Variants in SARS1 observed in about 807,000 individuals in gnomAD.
The protein encoded by SARS1 is serine--tRNA ligase, cytoplasmic.
SARS1 carries 25 observed loss-of-function variants against 63.7 expected under a neutral mutation model. That is an observed-to-expected ratio of 0.39 (90% CI 0.29 to 0.55). The LOEUF is 0.55. Ranked by LOEUF, SARS1 falls within the 20% of genes least tolerant of loss-of-function variation. The pLI is 0.62. For missense variants in SARS1, 417 were observed against 649.7 expected (o/e 0.64, Z 3.89); for synonymous variants, 231 against 243.5 (o/e 0.95, Z 0.48).
intron 2 of SARS1, among the ~76,000 whole-genome samples, chr1:109,227,873 C>A (rs534890288): frequency 1.6e-4 from 24 of 147,002 alleles, no homozygotes; most frequent in African/African-American, 5.0e-4. Context: ...GAGCCCAGAT[C>A]ACGCAAACTG....
chr1:109,218,366 GAAAA>G, intron 1 of SARS1, among the ~76,000 whole-genome samples: 1 of 114,286 alleles, frequency 8.7e-6, no homozygotes, highest in East Asian at 2.5e-4. Context: ...GACTTCATCT[GAAAA>G]AAAAAAAAAA....
intron 1 of SARS1, chr1:109,216,689 C>T: frequency 2.9e-6 from 2 of 691,494 alleles, no homozygotes; most frequent in Non-Finnish European, 3.6e-6. Flanking sequence ...GGCATGATCA[C>T]AGCTCACTGC....
At chr1:109,215,400 A>G in intron 1 of SARS1, 1 of 985,450 alleles carries the variant, frequency 1.0e-6, no homozygotes, top group Non-Finnish European at 1.2e-6. Context: ...TTTGGGTATA[A>G]TGTCCACATC....
intron 2 of SARS1, among the ~76,000 whole-genome samples, chr1:109,225,954 C>T (rs1422210542): frequency 6.6e-6 from 1 of 152,102 alleles, no homozygotes; most frequent in Non-Finnish European, 1.5e-5. Flanking sequence ...GTAGTCTGTT[C>T]TTATCAAGAC....
chr1:109,219,037 C>T (rs561838295), intron 1 of SARS1, among the ~76,000 whole-genome samples: 18 of 151,446 alleles, frequency 1.2e-4, no homozygotes, highest in Non-Finnish European at 2.2e-4. Flanking sequence ...GAGGCCGAGG[C>T]GGGCGGATCA....
At chr1:109,228,142 A>G (rs899452478) in intron 2 of SARS1, among the ~76,000 whole-genome samples, 5 of 152,220 alleles carry the variant, frequency 3.3e-5, no homozygotes, top group African/African-American at 1.2e-4. Flanking sequence ...TCAAAAAGCT[A>G]TTAAGTGGCA....
In SARS1 at chr1:109,236,757, A is replaced by C. The variant is rs917536830; in HGVS notation, c.1257+209A>C. 3 of 1,554,808 alleles carry C rather than the reference A, an allele frequency of 1.9e-6. No individual in the cohort carries two copies. In the African/African-American group the frequency reaches 4.1e-5, roughly 21 times the overall value. On this transcript the variant is annotated intron_variant, in intron 9 of 10. Coordinates refer to ENST00000234677, the MANE Select transcript of SARS1 (RefSeq NM_006513.4). ...AACCTGAATCTAGCTCTCTTCTATA[A>C]GGTAATTCTAGCTTTTCTCTTTCTG...
intron 6 of SARS1, among the ~76,000 whole-genome samples, chr1:109,232,798 C>G (rs954052928): frequency 2.6e-5 from 4 of 152,160 alleles, no homozygotes; most frequent in Non-Finnish European, 2.9e-5. Flanking sequence ...TAGATAATCA[C>G]TAACAGAACA....
Position 109,235,121 on chromosome 1 carries a change from A to G in SARS1, c.748-89A>G, listed in dbSNP as rs1655282197. 18 of 1,036,904 alleles carry G rather than the reference A, an allele frequency of 1.7e-5. No individual in the cohort carries two copies. The highest frequency in any genetic ancestry group is 2.4e-5 in the Non-Finnish European group (16 of 668,748). The allele number at this position is 1,036,904 out of a possible 1,614,324, so 64.2% of individuals were successfully genotyped here. Reference sequence around the variant, plus strand: ...AGGGATTAAAGGAAATTTTTCCTGCACTATTATTGATCTCTTTCTTGTGGT... The same window carrying G: ...AGGGATTAAAGGAAATTTTTCCTGCGCTATTATTGATCTCTTTCTTGTGGT... On this transcript the variant is annotated intron_variant, in intron 6 of 10. Coordinates refer to ENST00000234677, the MANE Select transcript of SARS1 (RefSeq NM_006513.4). This position sits in a 1 kb window ranked among gnomAD's most constrained non-coding sequence, Gnocchi z 4.7.
intron 2 of SARS1, among the ~76,000 whole-genome samples, chr1:109,226,733 TA>T (rs1655098288): frequency 3.0e-5 from 2 of 66,446 alleles, no homozygotes; most frequent in African/African-American, 3.9e-5. Flanking sequence ...CACACATATA[TA>T]TATATTTATT....
At chr1:109,216,338 C>T (rs1009372653) in intron 1 of SARS1, 7 of 985,246 alleles carry the variant, frequency 7.1e-6, no homozygotes, top group Non-Finnish European at 8.4e-6. Flanking sequence ...CAAGGTACCA[C>T]TAGGGTTCCT....
rs796273804 is a variant in SARS1 at position 109,238,181 on chromosome 1, G to T, written c.*293G>T. 3.8e-5 allele frequency: 14 copies of T among 370,410 alleles called. No individual in the cohort carries two copies. Among genetic ancestry groups the T allele is most frequent in the African/African-American group, 2.6e-4 (13 of 50,138 alleles). 22.9% of individuals were successfully genotyped at this position (370,410 alleles called of 1,614,324 possible). ...GAACCCCGCCTCTGAGGTTCTCCCTGATATACACTTCTGCTTTTCCTTCCA... is the reference window on the plus strand; with the variant it reads ...GAACCCCGCCTCTGAGGTTCTCCCTTATATACACTTCTGCTTTTCCTTCCA... On this transcript the variant is annotated 3_prime_UTR_variant, in exon 11 of 11. Transcript: ENST00000234677.
At chr1:109,216,290 C>T (rs1482307542) in intron 1 of SARS1, 1 of 985,246 alleles carries the variant, frequency 1.0e-6, no homozygotes, top group Non-Finnish European at 1.2e-6. Flanking sequence ...ACCAAGCCCT[C>T]CACTACAACT....
At chr1:109,226,677 A>AAAAATAT (rs1178056468) in intron 2 of SARS1, among the ~76,000 whole-genome samples, 78 of 44,942 alleles carry the variant, frequency 1.7e-3, no homozygotes, top group South Asian at 5.7e-3. Flanking sequence ...AAAAAAAAAA[A>AAAAATAT]ATATATATAT....
intron 1 of SARS1, among the ~76,000 whole-genome samples, chr1:109,221,997 TATATATA>T (rs1654947782): frequency 1.1e-4 from 2 of 17,432 alleles, no homozygotes; most frequent in African/African-American, 2.4e-4. Flanking sequence ...TATATATATA[TATATATA>T]TATATATTTT....
At chr1:109,216,930 G>C (rs945182099) in intron 1 of SARS1, 3 of 985,216 alleles carry the variant, frequency 3.0e-6, no homozygotes, top group African/African-American at 3.5e-5. Flanking sequence ...GGCTAAAGCT[G>C]TTATTTCCTC....
intron 1 of SARS1, among the ~76,000 whole-genome samples, chr1:109,217,550 AAT>A (rs113873923): frequency 8.1e-5 from 12 of 148,862 alleles, no homozygotes; most frequent in African/African-American, 2.7e-4. Context: ...TATATATATA[AAT>A]ATATATATAA....
intron 6 of SARS1, among the ~76,000 whole-genome samples, chr1:109,234,457 T>C (rs1655270455): frequency 6.6e-6 from 1 of 152,182 alleles, no homozygotes; most frequent in Non-Finnish European, 1.5e-5. Context: ...TTTTTTGCAT[T>C]ATTTTCTTCA....
At chr1:109,215,797 C>T (rs1160380678) in intron 1 of SARS1, 1 of 420,714 alleles carries the variant, frequency 2.4e-6, no homozygotes, top group African/African-American at 2.2e-5. Context: ...CCTCCATCTC[C>T]CGGTTTCAAG....
Sources: gnomAD v4.1 joint callset for allele counts (sites outside exome capture counted in the v4.1 genomes callset) on GRCh38, gnomAD v4.1.1 for gene constraint, Gnocchi (gnomAD v3.1) non-coding constraint, MANE v1.5 for transcripts, NCBI Gene and HGNC (gene_info 2026-07-23, HGNC 2026-07-21) for gene names.